The following HCN1 variants were observed in gnomAD, a reference collection of about 807,000 sequenced individuals.
HCN1 encodes the protein hyperpolarization activated cyclic nucleotide gated potassium channel 1, also known as potassium/sodium hyperpolarization-activated cyclic nucleotide-gated channel 1.
In HCN1, 13 loss-of-function variants were observed where a neutral mutation model predicts 78.9. The observed-to-expected ratio is 0.16, with a 90% CI of 0.11 to 0.26. The LOEUF (loss-of-function observed/expected upper bound fraction) is 0.26. Among genes scored for constraint, HCN1 ranks in the 10% least tolerant of loss-of-function variants. The pLI is 1.00. For missense variants in HCN1, 810 were observed against 1,154.3 expected (o/e 0.70, Z 4.32); for synonymous variants, 552 against 455.5 (o/e 1.21, Z -2.70).
intron 2 of HCN1, among the ~76,000 whole-genome samples, chr5:45,628,388 C>T (rs1363930829): frequency 1.3e-5 from 2 of 152,074 alleles, no homozygotes; most frequent in Admixed American, 1.3e-4. Context: ...TAAACTCTTT[C>T]ATAAAGCTCT....
intron 2 of HCN1, among the ~76,000 whole-genome samples, chr5:45,503,917 C>T (rs6414907): frequency 0.97 from 147,044 of 151,928 alleles, 71,336 homozygotes; most frequent in East Asian, 1. Flanking sequence ...TCCCAAGTAG[C>T]TGCAATTACA....
chr5:45,445,222 CAGG>C (rs1276108097), intron 3 of HCN1, among the ~76,000 whole-genome samples: 1 of 152,176 alleles, frequency 6.6e-6, no homozygotes, highest in Non-Finnish European at 1.5e-5. Context: ...AACGGCGCAC[CAGG>C]AGATTATATC....
rs1046937574 is a variant in HCN1, at chr5:45,299,689, C to G, written c.1618+3910G>C. 3.3e-5 allele frequency among the ~76,000 whole-genome samples: 5 copies of G among 151,930 alleles called. No individual in the cohort carries two copies. In the East Asian group the frequency reaches 9.7e-4, roughly 29 times the overall value. On this transcript the variant is annotated intron_variant, in intron 6 of 7. Coordinates refer to ENST00000303230, the MANE Select transcript of HCN1 (RefSeq NM_021072.4). ...TTAATAACCACAAAATACAGGGAATCAAACACAAGTGGCTTTATTTGTGAA... is the reference window on the plus strand; with the variant it reads ...TTAATAACCACAAAATACAGGGAATGAAACACAAGTGGCTTTATTTGTGAA...
intron 2 of HCN1, among the ~76,000 whole-genome samples, chr5:45,620,853 GATCTATTCATTC>G (rs1745046711): frequency 6.6e-6 from 1 of 152,058 alleles, no homozygotes; most frequent in Admixed American, 6.5e-5. Context: ...GTACTTTAAG[GATCTATTCATTC>G]ATTCAATCTA....
At chr5:45,550,495 G>A (rs1743343931) in intron 2 of HCN1, among the ~76,000 whole-genome samples, 1 of 152,102 alleles carries the variant, frequency 6.6e-6, no homozygotes, top group Non-Finnish European at 1.5e-5. Flanking sequence ...GGTGCCTATT[G>A]TGGGGTTGGG....
intron 5 of HCN1, among the ~76,000 whole-genome samples, chr5:45,350,448 C>T (rs1469202134): frequency 6.6e-6 from 1 of 152,034 alleles, no homozygotes; most frequent in Non-Finnish European, 1.5e-5. Context: ...GGAAGCATTC[C>T]CTTTGAAAAC....
At chr5:45,494,352 T>C (rs1741971854) in intron 2 of HCN1, among the ~76,000 whole-genome samples, 1 of 152,236 alleles carries the variant, frequency 6.6e-6, no homozygotes, top group East Asian at 1.9e-4. Context: ...TGATGGCCAG[T>C]GATGGTGAGC....
chr5:45,683,673 T>C (rs1739749383), intron 1 of HCN1, among the ~76,000 whole-genome samples: 1 of 143,504 alleles, frequency 7.0e-6, no homozygotes, highest in Non-Finnish European at 1.5e-5. Flanking sequence ...ATGTTTTGTC[T>C]TTTTTTTTTT....
At chr5:45,541,064 A>C (rs1743096052) in intron 2 of HCN1, among the ~76,000 whole-genome samples, 1 of 152,204 alleles carries the variant, frequency 6.6e-6, no homozygotes, top group Non-Finnish European at 1.5e-5. Flanking sequence ...CCATGCAGAA[A>C]AAAGAAAAAA....
At chr5:45,423,712 C>T in intron 3 of HCN1, among the ~76,000 whole-genome samples, 1 of 152,192 alleles carries the variant, frequency 6.6e-6, no homozygotes, top group East Asian at 1.9e-4. Flanking sequence ...TCTCAACTCA[C>T]TTGTTTACTA....
intron 5 of HCN1, among the ~76,000 whole-genome samples, chr5:45,345,734 C>A (rs1341530669): frequency 6.6e-6 from 1 of 152,306 alleles, no homozygotes. Flanking sequence ...AGCCATTCAA[C>A]AAGTCTCTAG....
intron 1 of HCN1, among the ~76,000 whole-genome samples, chr5:45,692,154 A>G (rs1739927263): frequency 6.6e-6 from 1 of 152,208 alleles, no homozygotes; most frequent in Non-Finnish European, 1.5e-5. Context: ...TCCAAGATAA[A>G]TTGCTTGCAT....
At chr5:45,600,565 A>G (rs991446954) in intron 2 of HCN1, among the ~76,000 whole-genome samples, 2 of 152,172 alleles carry the variant, frequency 1.3e-5, no homozygotes, top group African/African-American at 4.8e-5. Flanking sequence ...TTCTCAGGCC[A>G]GCTCATCCGC....
intron 3 of HCN1, among the ~76,000 whole-genome samples, chr5:45,401,544 CATA>C (rs1739804419): frequency 6.6e-6 from 1 of 151,896 alleles, no homozygotes; most frequent in Non-Finnish European, 1.5e-5. Context: ...CTGGATTTCT[CATA>C]ATGATTAAAA....
At chr5:45,506,664 C>T (rs1393949384) in intron 2 of HCN1, among the ~76,000 whole-genome samples, 1 of 152,024 alleles carries the variant, frequency 6.6e-6, no homozygotes, top group Non-Finnish European at 1.5e-5. Flanking sequence ...CTTTGTATTG[C>T]TATTTTTATT....
chr5:45,596,378 T>C (rs1273147146), intron 2 of HCN1, among the ~76,000 whole-genome samples: 2 of 152,218 alleles, frequency 1.3e-5, no homozygotes, highest in Admixed American at 6.5e-5. Context: ...TAAATTGCTC[T>C]ATCACAGTAA....
chr5:45,476,494 G>C (rs1276770094), intron 2 of HCN1, among the ~76,000 whole-genome samples: 1 of 152,102 alleles, frequency 6.6e-6, no homozygotes, highest in Non-Finnish European at 1.5e-5. Context: ...TGGATTTCTT[G>C]ACCTTTTTTT....
At chr5:45,540,011 A>G (rs201518013) in intron 2 of HCN1, among the ~76,000 whole-genome samples, 1 of 147,078 alleles carries the variant, frequency 6.8e-6, no homozygotes, top group East Asian at 2.0e-4. Flanking sequence ...TCAATCTCCA[A>G]TTTTAGGGTA....
chr5:45,327,059 A>G (rs1265640309), intron 5 of HCN1, among the ~76,000 whole-genome samples: 1 of 151,686 alleles, frequency 6.6e-6, no homozygotes, highest in East Asian at 1.9e-4. Context: ...GAGAATTTGT[A>G]TCTCTGCTTT....
Sources: gnomAD v4.1 joint callset for allele counts (sites outside exome capture counted in the v4.1 genomes callset) on GRCh38, gnomAD v4.1.1 for gene constraint, MANE v1.5 for transcripts, NCBI Gene and HGNC (gene_info 2026-07-23, HGNC 2026-07-21) for gene names.